Variants in ZFHX3 observed in about 807,000 individuals in gnomAD.
ZFHX3 encodes zinc finger homeobox protein 3.
ZFHX3 carries 42 observed loss-of-function variants against 279.1 expected under a neutral mutation model. That is an observed-to-expected ratio of 0.15 (90% CI 0.12 to 0.19). ZFHX3 has a LOEUF of 0.19. ZFHX3 is among the 10% of genes least tolerant of loss of function. The pLI, the probability that ZFHX3 is intolerant of heterozygous loss-of-function variation, is 1.00. For missense variants in ZFHX3, 4,981 were observed against 4,754.0 expected (o/e 1.05, Z -1.40); for synonymous variants, 2,293 against 1,957.8 (o/e 1.17, Z -4.52).
chr16:73,194,697 A>C (rs1968107316), intron 5 of ZFHX3, among the ~76,000 whole-genome samples: 1 of 152,212 alleles, frequency 6.6e-6, no homozygotes, highest in Non-Finnish European at 1.5e-5. Flanking sequence ...CCTTTGATGC[A>C]TGTCATTGCA....
chr16:73,844,300 C>T (rs757761487), intron 1 of ZFHX3, among the ~76,000 whole-genome samples: 4 of 152,096 alleles, frequency 2.6e-5, no homozygotes, highest in Admixed American at 6.5e-5. Flanking sequence ...GGGGGTTGAA[C>T]AGGACAGCTG....
chr16:72,870,669 G>C (rs2038138062), intron 4 of ZFHX3, among the ~76,000 whole-genome samples: 2 of 132,104 alleles, frequency 1.5e-5, no homozygotes, highest in African/African-American at 5.9e-5. Flanking sequence ...AGTGAGCCGA[G>C]ATCGCACCAC....
chr16:73,505,431 GA>G (rs1205383516), intron 2 of ZFHX3, among the ~76,000 whole-genome samples: 1 of 151,908 alleles, frequency 6.6e-6, no homozygotes, highest in African/African-American at 2.4e-5. Context: ...CTTCAATGAT[GA>G]ACCATCCTGC....
chr16:72,984,138 C>T (rs1962742722), intron 1 of ZFHX3, among the ~76,000 whole-genome samples: 1 of 152,208 alleles, frequency 6.6e-6, no homozygotes, highest in Non-Finnish European at 1.5e-5. Flanking sequence ...TGCTGGCTTC[C>T]TCCCCATCTG....
intron 4 of ZFHX3, among the ~76,000 whole-genome samples, chr16:73,294,985 G>A (rs754706182): frequency 1.3e-4 from 19 of 151,950 alleles, no homozygotes; most frequent in African/African-American, 4.6e-4. Flanking sequence ...AGGCCGAGAC[G>A]GGCGGATCAC....
chr16:73,660,276 T>A lies in ZFHX3; in HGVS notation c.-1547+19904A>T, dbSNP rs142506037. Among the ~76,000 whole-genome samples the A allele has an allele frequency of 4.2e-3, 633 of 152,314 alleles. 7 individuals are homozygous for A. The highest frequency in any genetic ancestry group is 0.014 in the African/African-American group (594 of 41,582). ...GCCTTTTAAAAGCAAAGGATTTCTATGGAACGCTTCTCTACTTTTAAAGTC... is the reference window on the plus strand; with the variant it reads ...GCCTTTTAAAAGCAAAGGATTTCTAAGGAACGCTTCTCTACTTTTAAAGTC... On this transcript the variant is annotated intron_variant, in intron 2 of 17. Coordinates refer to the ZFHX3 transcript ENST00000641206.
At chr16:73,085,989 A>G (rs918415832) in intron 8 of ZFHX3, among the ~76,000 whole-genome samples, 6 of 143,420 alleles carry the variant, frequency 4.2e-5, no homozygotes, top group Non-Finnish European at 6.2e-5. Flanking sequence ...CAATTGCAAA[A>G]AAAAAAAAAA....
Position 72,960,295 on chromosome 16 carries a change from G to A in ZFHX3, c.-49-101C>T, listed in dbSNP as rs545404702. On this transcript the variant is annotated intron_variant, in intron 1 of 9. Transcript: ENST00000268489. ...AGGCTGAGGTCCTACCGCACGGAGCGCTCTAAGAGGCTTCTGTCCACAACA... is the reference window on the plus strand; with the variant it reads ...AGGCTGAGGTCCTACCGCACGGAGCACTCTAAGAGGCTTCTGTCCACAACA... 20 of 887,124 alleles carry A rather than the reference G, an allele frequency of 2.3e-5. 1 individual carries two copies. Among genetic ancestry groups the A allele is most frequent in the South Asian group, 4.7e-5 (2 of 42,770 alleles). 55.0% of individuals were successfully genotyped at this position (887,124 alleles called of 1,614,324 possible).
intron 1 of ZFHX3, among the ~76,000 whole-genome samples, chr16:73,013,600 TA>T (rs1235406527): frequency 6.6e-6 from 1 of 152,186 alleles, no homozygotes; most frequent in African/African-American, 2.4e-5. Context: ...AAACCCTTTA[TA>T]AACACTCTCT....
At chr16:73,563,960 T>C (rs2020413662) in intron 2 of ZFHX3, among the ~76,000 whole-genome samples, 1 of 152,206 alleles carries the variant, frequency 6.6e-6, no homozygotes, top group African/African-American at 2.4e-5. Flanking sequence ...AGCATTTCTT[T>C]AAAATTTCTT....
At chr16:72,881,701 G>T (rs1316463489) in intron 4 of ZFHX3, among the ~76,000 whole-genome samples, 1 of 152,122 alleles carries the variant, frequency 6.6e-6, no homozygotes, top group East Asian at 1.9e-4. Context: ...CATATGGGAG[G>T]GGTCTGCACA....
At chr16:73,850,513 C>T (rs760656710) in intron 1 of ZFHX3, among the ~76,000 whole-genome samples, 3 of 151,996 alleles carry the variant, frequency 2.0e-5, no homozygotes, top group East Asian at 1.9e-4. Flanking sequence ...TGAGAACTCT[C>T]GGGGAAAAGG....
At position 72,928,186 on chromosome 16, in the gene ZFHX3, G is replaced by GGGGAGC. The variant is rs1217994510; in HGVS notation, c.3216+22282_3216+22283insGCTCCC. Among the ~76,000 whole-genome samples, 31 of 51,908 alleles carry GGGGAGC rather than the reference G, an allele frequency of 6.0e-4. 6 individuals are homozygous for GGGGAGC. The highest frequency in any genetic ancestry group is 2.5e-3 in the African/African-American group (25 of 10,084). 34.1% of individuals were successfully genotyped at this position (51,908 alleles called of 152,430 possible). ...AGAGAGGGAGGGGGAGGGGAGAGAGGGAGGGGGAGGGGAGCGAGGGGGAGC... is the reference window on the plus strand; with the variant it reads ...AGAGAGGGAGGGGGAGGGGAGAGAGGGGGAGCGAGGGGGAGGGGAGCGAGGGGGAGC... On this transcript the variant is annotated intron_variant, in intron 3 of 9. Transcript: ENST00000268489.
chr16:73,713,447 A>G (rs1482395033), intron 1 of ZFHX3, among the ~76,000 whole-genome samples: 3 of 152,002 alleles, frequency 2.0e-5, no homozygotes, highest in East Asian at 3.9e-4. Context: ...TCCTCCTCCT[A>G]TTCTTGGCGA....
intron 3 of ZFHX3, among the ~76,000 whole-genome samples, chr16:72,914,201 A>G (rs1344318487): frequency 6.6e-6 from 1 of 152,208 alleles, no homozygotes; most frequent in African/African-American, 2.4e-5. Flanking sequence ...CCACAGTGGC[A>G]CTGTGAGTGA....
At chr16:73,695,210 C>A (rs1456466575) in intron 1 of ZFHX3, among the ~76,000 whole-genome samples, 1 of 151,274 alleles carries the variant, frequency 6.6e-6, no homozygotes, top group African/African-American at 2.4e-5. Flanking sequence ...TTAAAAATTG[C>A]AGAAAATGTA....
chr16:73,333,407 A>T (rs1863918072), intron 3 of ZFHX3, among the ~76,000 whole-genome samples: 1 of 152,216 alleles, frequency 6.6e-6, no homozygotes, highest in Admixed American at 6.5e-5. Context: ...GACACACAGA[A>T]AGATACATAG....
intron 1 of ZFHX3, among the ~76,000 whole-genome samples, chr16:73,032,158 G>A (rs754833729): frequency 7.2e-5 from 11 of 152,234 alleles, no homozygotes; most frequent in South Asian, 4.2e-4. Flanking sequence ...TTAGCCAGAC[G>A]TGGTGATGCA....
Position 73,741,993 on chromosome 16 carries a change from G to C in ZFHX3, c.-1607-61753C>G, listed in dbSNP as rs548264744. ...ACCATAAGAATAAACCAGAAGTCCA[G>C]CTATTGCTCCTAGTGACATTAAGCA... On this transcript the variant is annotated intron_variant, in intron 1 of 17. Transcript: ENST00000641206. Among the ~76,000 whole-genome samples the C allele has an allele frequency of 7.1e-4, 108 of 152,278 alleles. 1 individual carries two copies. The highest frequency in any genetic ancestry group is 2.2e-3 in the African/African-American group (93 of 41,558).
Sources: gnomAD v4.1 joint callset for allele counts (sites outside exome capture counted in the v4.1 genomes callset) on GRCh38, gnomAD v4.1.1 for gene constraint, MANE v1.5 for transcripts, NCBI Gene and HGNC (gene_info 2026-07-23, HGNC 2026-07-21) for gene names.